Variants in MSI2 observed in about 807,000 individuals in gnomAD.
MSI2 encodes musashi RNA binding protein 2, also known as RNA-binding protein Musashi homolog 2.
In MSI2, 17 loss-of-function variants were observed where a neutral mutation model predicts 45.6. The observed-to-expected ratio is 0.37, with a 90% CI of 0.26 to 0.56. The LOEUF is 0.56. Ranked by LOEUF, MSI2 falls within the 20% of genes least tolerant of loss-of-function variation. The pLI is 0.77. For missense variants in MSI2, 293 were observed against 444.2 expected (o/e 0.66, Z 3.06); for synonymous variants, 156 against 158.2 (o/e 0.99, Z 0.11).
At chr17:57,686,747 A>G (rs1288861139), downstream of MSI2, among the ~76,000 whole-genome samples, 1 of 152,238 alleles carries the variant, frequency 6.6e-6, no homozygotes, top group Non-Finnish European at 1.5e-5. Context: ...GGAACTGAAG[A>G]CTTTAAATCA....
At chr17:57,320,377 C>T (rs529495334) in intron 5 of MSI2, among the ~76,000 whole-genome samples, 3 of 152,114 alleles carry the variant, frequency 2.0e-5, no homozygotes, top group Admixed American at 6.5e-5. Context: ...GGTGTGAATG[C>T]GGGGGCTTGA....
chr17:57,336,552 A>G (rs1408700389), intron 5 of MSI2, among the ~76,000 whole-genome samples: 1 of 152,232 alleles, frequency 6.6e-6, no homozygotes, highest in Non-Finnish European at 1.5e-5. Flanking sequence ...ATATACAGGT[A>G]ACCTGCCTTT....
In MSI2 at chr17:57,596,831, CCT is replaced by C. The variant is rs1197833958; in HGVS notation, c.455-32_455-31del. ...GCCTGCCAGAACTGAACTCACCCCG[CCT>C]CTCTTTGTTTTTTCTTCTCTCTCTT... On this transcript the variant is annotated intron_variant, in intron 7 of 13. Transcript: ENST00000284073. The surrounding 1 kb of genome is among the most constrained non-coding windows in gnomAD (Gnocchi z 4.6). 3.3e-6 allele frequency: 5 copies of C among 1,499,846 alleles called. No individual in the cohort carries two copies. Among genetic ancestry groups the C allele is most frequent in the Non-Finnish European group, 4.6e-6 (5 of 1,077,626 alleles). The allele number at this position is 1,499,846 out of a possible 1,614,324, so 92.9% of individuals were successfully genotyped here. A position where few individuals can be genotyped will look rare whatever the true frequency, so the allele number is the denominator to read the frequency against.
intron 6 of MSI2, among the ~76,000 whole-genome samples, chr17:57,456,989 A>T (rs1372488933): frequency 1.3e-5 from 2 of 152,132 alleles, no homozygotes; most frequent in Non-Finnish European, 2.9e-5. Flanking sequence ...TTGGGAGGAG[A>T]AAGGAAGGAG....
chr17:57,347,485 C>T (rs1447421375), intron 5 of MSI2, among the ~76,000 whole-genome samples: 10 of 151,988 alleles, frequency 6.6e-5, no homozygotes, highest in East Asian at 5.8e-4. Context: ...CAGCCCCATC[C>T]GCATGTGTTC....
chr17:57,689,180 T>TC (rs148355642), downstream of MSI2, among the ~76,000 whole-genome samples: 294 of 68,832 alleles, frequency 4.3e-3, 1 homozygote, highest in Non-Finnish European at 6.5e-3. Flanking sequence ...GGGTTTTCTC[T>TC]TTTTTTTTAA....
chr17:57,290,746 G>A (rs1188586360), intron 5 of MSI2, among the ~76,000 whole-genome samples: 1 of 152,196 alleles, frequency 6.6e-6, no homozygotes, highest in Non-Finnish European at 1.5e-5. Flanking sequence ...TCAGTCTTGG[G>A]GCCCAGGACT....
chr17:57,356,545 A>G (rs1020960859), intron 5 of MSI2, among the ~76,000 whole-genome samples: 2 of 152,188 alleles, frequency 1.3e-5, no homozygotes, highest in African/African-American at 4.8e-5. Flanking sequence ...AAAACACACA[A>G]AACTTAATGC....
Position 57,463,106 on chromosome 17 carries a change from G to A in MSI2, c.405+61635G>A, listed in dbSNP as rs2085262511. Among the ~76,000 whole-genome samples, 2 of 152,198 alleles carry A rather than the reference G, an allele frequency of 1.3e-5. 1 individual carries two copies. The highest frequency in any genetic ancestry group is 4.1e-4 in the South Asian group (2 of 4,834). On this transcript the variant is annotated intron_variant, in intron 6 of 13. Coordinates refer to ENST00000284073, the MANE Select transcript of MSI2 (RefSeq NM_138962.4). The stretch of plus-strand genomic sequence containing the variant: ...AGGACGCTAGTCCTGGGCTCTGGGA[G>A]GGATATAGATAGATACCTGTGTCCC...
In MSI2 at chr17:57,614,543, T is replaced by A. The variant is rs192914147; in HGVS notation, c.538-1427T>A. On this transcript the variant is annotated intron_variant, in intron 8 of 13. Transcript: ENST00000284073. Reference sequence around the variant, plus strand: ...TTAAATAAGATACCTGTTTCTTGTCTTTTCTCCGTCATTTAAATAAGATAC... The same window carrying A: ...TTAAATAAGATACCTGTTTCTTGTCATTTCTCCGTCATTTAAATAAGATAC... 2.2e-3 allele frequency among the ~76,000 whole-genome samples: 330 copies of A among 152,326 alleles called. 1 individual carries two copies. The highest frequency in any genetic ancestry group is 7.4e-3 in the African/African-American group (308 of 41,572).
intron 6 of MSI2, among the ~76,000 whole-genome samples, chr17:57,431,663 C>A (rs1598262335): frequency 6.6e-6 from 1 of 152,352 alleles, no homozygotes; most frequent in East Asian, 1.9e-4. Flanking sequence ...TCAGCCATTG[C>A]ATCTTCCTGT....
Position 57,489,157 on chromosome 17 carries a change from C to T in MSI2, c.406-40519C>T, listed in dbSNP as rs573795973. 2.2e-3 allele frequency among the ~76,000 whole-genome samples: 333 copies of T among 152,278 alleles called. 1 individual carries two copies. Among genetic ancestry groups the T allele is most frequent in the Middle Eastern group, 0.02 (6 of 294 alleles). ...TCCGCAAGCCACGTGCTTTCTGGGG[C>T]CCAGGCAGCCCTCATCTGCCAAAGA... On this transcript the variant is annotated intron_variant, in intron 6 of 13. Transcript: ENST00000284073.
At chr17:57,594,428 C>T (rs1325851298) in intron 7 of MSI2, among the ~76,000 whole-genome samples, 1 of 152,160 alleles carries the variant, frequency 6.6e-6, no homozygotes, top group Non-Finnish European at 1.5e-5. Flanking sequence ...TCCTCCCAAC[C>T]CAGGATTCCT....
intron 7 of MSI2, among the ~76,000 whole-genome samples, chr17:57,568,852 T>C (rs1479152088): frequency 6.6e-6 from 1 of 152,144 alleles, no homozygotes; most frequent in Non-Finnish European, 1.5e-5. Flanking sequence ...GCTGGAGCAC[T>C]GTGGTGGTGT....
intron 5 of MSI2, among the ~76,000 whole-genome samples, chr17:57,321,550 G>C (rs1913345295): frequency 6.6e-6 from 1 of 152,150 alleles, no homozygotes; most frequent in Admixed American, 6.5e-5. Context: ...TCCATGCTGA[G>C]CTTTCTCTTG....
At chr17:57,651,938 A>C (rs1344851712) in intron 10 of MSI2, among the ~76,000 whole-genome samples, 161 bp from the exon 11 acceptor site, 2 of 152,222 alleles carry the variant, frequency 1.3e-5, no homozygotes, top group African/African-American at 4.8e-5. Context: ...GAAGCCTGAC[A>C]GCCACTACTC....
chr17:57,688,736 AAG>A (rs1913930221), downstream of MSI2, among the ~76,000 whole-genome samples: 1 of 152,166 alleles, frequency 6.6e-6, no homozygotes, highest in African/African-American at 2.4e-5. Flanking sequence ...GATACAAAGA[AAG>A]GGGTACACTC....
At chr17:57,588,687 C>T (rs1904541237) in intron 7 of MSI2, among the ~76,000 whole-genome samples, 1 of 152,168 alleles carries the variant, frequency 6.6e-6, no homozygotes, top group African/African-American at 2.4e-5. Flanking sequence ...CATATCTTTC[C>T]CCACTCTCTC....
intron 11 of MSI2, among the ~76,000 whole-genome samples, chr17:57,658,580 C>G (rs1241988217): frequency 6.6e-6 from 1 of 152,186 alleles, no homozygotes; most frequent in African/African-American, 2.4e-5. Context: ...TACATCAGCT[C>G]TAATCAATAA....
Sources: gnomAD v4.1 joint callset for allele counts (sites outside exome capture counted in the v4.1 genomes callset) on GRCh38, gnomAD v4.1.1 for gene constraint, Gnocchi (gnomAD v3.1) non-coding constraint, MANE v1.5 for transcripts, NCBI Gene and HGNC (gene_info 2026-07-23, HGNC 2026-07-21) for gene names.